SYN3: variants seen among roughly 807,000 people sequenced by gnomAD.
SYN3 encodes synapsin-3.
Under a neutral mutation model 65.8 loss-of-function variants are expected in SYN3, and 35 were observed. The observed-to-expected ratio is 0.53, with a 90% CI of 0.41 to 0.70. The LOEUF is 0.70. Among genes scored for constraint, SYN3 ranks in the 30% least tolerant of loss-of-function variants. The pLI is 0.00. For synonymous variants in SYN3, 270 were observed against 292.9 expected, an observed-to-expected ratio of 0.92 and a Z score of 0.80; for missense variants, 680 against 749.0, an observed-to-expected ratio of 0.91 and a Z score of 1.08.
chr22:32,591,669 ATG>A (rs2059129351), intron 7 of SYN3, among the ~76,000 whole-genome samples: 2 of 152,202 alleles, frequency 1.3e-5, no homozygotes, highest in African/African-American at 4.8e-5. Context: ...AAAAAAGGAA[ATG>A]AAGTTAGTTT....
intron 2 of SYN3, among the ~76,000 whole-genome samples, chr22:32,986,875 C>T (rs1021739675): frequency 2.0e-5 from 3 of 152,116 alleles, no homozygotes; most frequent in Admixed American, 6.6e-5. Context: ...TTTACTGCCA[C>T]ATCTGAGGCC....
At chr22:32,814,323 G>GT in intron 6 of SYN3, among the ~76,000 whole-genome samples, 1 of 146,224 alleles carries the variant, frequency 6.8e-6, no homozygotes. Flanking sequence ...GAGACAGAAA[G>GT]AAAGAAAGAA....
At chr22:32,529,250 C>T (rs974850893) in intron 10 of SYN3, among the ~76,000 whole-genome samples, 2 of 152,200 alleles carry the variant, frequency 1.3e-5, no homozygotes, top group African/African-American at 2.4e-5. Context: ...GACAGCAATG[C>T]GACAAGGGCC....
intron 2 of SYN3, among the ~76,000 whole-genome samples, chr22:33,003,054 T>C (rs1192229564): frequency 6.6e-6 from 1 of 152,218 alleles, no homozygotes; most frequent in Non-Finnish European, 1.5e-5. Context: ...CCTGCCACCC[T>C]GTGAAGAGGT....
intron 3 of SYN3, among the ~76,000 whole-genome samples, chr22:32,948,534 A>G (rs1187997007): frequency 6.6e-6 from 1 of 152,030 alleles, no homozygotes; most frequent in Non-Finnish European, 1.5e-5. Context: ...CAGGAGATCG[A>G]GACCATACTG....
chr22:32,926,153 G>A (rs1419586459), intron 4 of SYN3, among the ~76,000 whole-genome samples: 1 of 152,096 alleles, frequency 6.6e-6, no homozygotes, highest in East Asian at 1.9e-4. Flanking sequence ...TGCCCAGCCG[G>A]GATAGATGTT....
At chr22:32,645,086 G>A (rs1421267237) in intron 6 of SYN3, among the ~76,000 whole-genome samples, 1 of 152,160 alleles carries the variant, frequency 6.6e-6, no homozygotes, top group Non-Finnish European at 1.5e-5. Flanking sequence ...AGGACTCAGA[G>A]GTGAAACTGT....
intron 4 of SYN3, among the ~76,000 whole-genome samples, chr22:32,887,837 A>G (rs2049335868): frequency 6.6e-6 from 1 of 152,194 alleles, no homozygotes; most frequent in Non-Finnish European, 1.5e-5. Flanking sequence ...CATTTAGATA[A>G]CATATTTCAT....
At chr22:32,642,320 G>A (rs2059912895) in intron 6 of SYN3, among the ~76,000 whole-genome samples, 1 of 151,934 alleles carries the variant, frequency 6.6e-6, no homozygotes, top group Non-Finnish European at 1.5e-5. Flanking sequence ...GAAGTTTCTG[G>A]TTAAGGATTC....
In SYN3 at chr22:32,513,639, C is replaced by A; in HGVS notation, c.*53G>T. On this transcript the variant is annotated 3_prime_UTR_variant, in exon 14 of 14. Coordinates refer to ENST00000358763, the MANE Select transcript of SYN3 (RefSeq NM_003490.4). ...ACCAAGGCTGAGAAGGAAGATGAGG[C>A]AGGAGGGGGACGAGTGTAGCAGAGC... The A allele has an allele frequency of 6.3e-7, 1 of 1,595,832 alleles. No individual in the cohort carries two copies.
At chr22:32,915,406 G>A (rs1452921212) in intron 4 of SYN3, among the ~76,000 whole-genome samples, 1 of 152,218 alleles carries the variant, frequency 6.6e-6, no homozygotes, top group East Asian at 1.9e-4. Flanking sequence ...CAGAGGTTGG[G>A]TAAGGAACAT....
chr22:32,610,346 C>T (rs1411006691), intron 6 of SYN3, among the ~76,000 whole-genome samples: 1 of 151,854 alleles, frequency 6.6e-6, no homozygotes, highest in Non-Finnish European at 1.5e-5. Flanking sequence ...AGTTGTGCAG[C>T]CATCAACACT....
intron 4 of SYN3, among the ~76,000 whole-genome samples, chr22:32,887,382 G>T (rs988752718): frequency 7.4e-6 from 1 of 135,150 alleles, no homozygotes; most frequent in African/African-American, 2.7e-5. Context: ...TCTCAGAAAA[G>T]AAAAAAAAAA....
chr22:32,809,367 T>C (rs1029991600), intron 6 of SYN3, among the ~76,000 whole-genome samples: 1 of 152,222 alleles, frequency 6.6e-6, no homozygotes, highest in Non-Finnish European at 1.5e-5. Flanking sequence ...TCCCCGTCAG[T>C]CTGCTTATCT....
chr22:32,825,044 C>T (rs242085), intron 6 of SYN3, among the ~76,000 whole-genome samples: 68,560 of 151,810 alleles, frequency 0.45, 15,971 homozygotes, highest in Admixed American at 0.55. Context: ...CAGGCTGGGT[C>T]CAATGAGCGC....
Position 32,508,706 on chromosome 22 carries a change from A to G in SYN3, c.*4986T>C, listed in dbSNP as rs897324126. On this transcript the variant is annotated 3_prime_UTR_variant, in exon 14 of 14. Transcript: ENST00000358763. ...TCCATATATTGATACTCTTAGAAAAACATCTTTTTACTTCAATCTTAATAC... is the reference window on the plus strand; with the variant it reads ...TCCATATATTGATACTCTTAGAAAAGCATCTTTTTACTTCAATCTTAATAC... Among the ~76,000 whole-genome samples the G allele has an allele frequency of 2.6e-5, 4 of 152,166 alleles. No homozygotes were observed. The highest frequency in any genetic ancestry group is 9.7e-5 in the African/African-American group (4 of 41,434).
At chr22:32,746,852 A>G (rs2044948946) in intron 6 of SYN3, among the ~76,000 whole-genome samples, 1 of 152,158 alleles carries the variant, frequency 6.6e-6, no homozygotes, top group South Asian at 2.1e-4. Flanking sequence ...CTTTCCCATT[A>G]AGCCAGACAT....
At chr22:32,881,537 C>G (rs2049137185) in intron 4 of SYN3, among the ~76,000 whole-genome samples, 1 of 152,166 alleles carries the variant, frequency 6.6e-6, no homozygotes, top group East Asian at 1.9e-4. Flanking sequence ...AACGCTCCTG[C>G]CTGGGCCACA....
At chr22:32,642,884 C>CT (rs1016016038) in intron 6 of SYN3, among the ~76,000 whole-genome samples, 1 of 151,756 alleles carries the variant, frequency 6.6e-6, no homozygotes, top group Non-Finnish European at 1.5e-5. Flanking sequence ...ATCAGGCCCC[C>CT]TATCAAAAAA....
Sources: allele counts gnomAD v4.1 joint callset (sites outside exome capture counted in the v4.1 genomes callset), GRCh38; gene constraint gnomAD v4.1.1; transcripts MANE v1.5; gene names NCBI Gene and HGNC (gene_info 2026-07-23, HGNC 2026-07-21).